The following MMD2 variants were observed in gnomAD, a reference collection of about 807,000 sequenced individuals.
MMD2 encodes the protein monocyte to macrophage differentiation associated 2, also known as monocyte to macrophage differentiation factor 2.
MMD2 carries 30 observed loss-of-function variants against 33.5 expected under a neutral mutation model. The observed-to-expected ratio is 0.90, with a 90% confidence interval of 0.67 to 1.22. The LOEUF is 1.22. Among genes scored for constraint, MMD2 ranks in the 50% most tolerant of loss-of-function variants. MMD2 has a pLI of 0.00. For synonymous variants in MMD2, 129 were observed against 123.0 expected (o/e 1.05, Z -0.32); for missense variants, 364 against 325.4 (o/e 1.12, Z -0.91).
chr7:4,925,419 C>T, intron 2 of MMD2, 32 bp downstream of exon 2: 1 of 1,479,576 alleles, frequency 6.8e-7, no homozygotes, highest in Non-Finnish European at 9.1e-7. Context: ...GTGTCCCCAT[C>T]TCAGCCCTGA....
chr7:4,927,855 C>T (rs1391270250), intron 1 of MMD2, among the ~76,000 whole-genome samples: 1 of 152,174 alleles, frequency 6.6e-6, no homozygotes, highest in Admixed American at 6.6e-5. Context: ...GGAGAAGCTA[C>T]AGGGCAGGGA....
the MMD2 span, among the ~76,000 whole-genome samples, chr7:4,895,977 C>G: frequency 1.3e-5 from 2 of 152,166 alleles, no homozygotes; most frequent in African/African-American, 2.4e-5. Flanking sequence ...CCCACGTTTT[C>G]CCATCACTCC....
chr7:4,937,358 C>T (rs1242676980), intron 1 of MMD2, among the ~76,000 whole-genome samples: 2 of 150,552 alleles, frequency 1.3e-5, no homozygotes, highest in African/African-American at 2.4e-5. Context: ...GATTGCACTA[C>T]TGTGCTCCAG....
chr7:4,945,022 CT>C (rs1362431180), intron 1 of MMD2, among the ~76,000 whole-genome samples: 5 of 150,740 alleles, frequency 3.3e-5, no homozygotes, highest in African/African-American at 9.7e-5. Context: ...ACCTCTCCCT[CT>C]CCCTCTCCCT....
At chr7:4,914,667 G>T (rs116533136) in intron 4 of MMD2, among the ~76,000 whole-genome samples, 1 of 151,994 alleles carries the variant, frequency 6.6e-6, no homozygotes, top group Non-Finnish European at 1.5e-5. Flanking sequence ...ACGGTGGCTC[G>T]CACCTGTAAT....
At position 4,915,283 on chromosome 7, in the gene MMD2, T is replaced by A. The variant is rs562180543; in HGVS notation, c.365+722A>T. ...AAGACCCTGTCTCTTAAAAAAAAAA[T>A]TAAAAATTTAAAAGCTATATTAAAT... On this transcript the variant is annotated intron_variant, in intron 4 of 6. Coordinates refer to ENST00000401401, the MANE Select transcript of MMD2 (RefSeq NM_198403.4). Among the ~76,000 whole-genome samples the A allele has an allele frequency of 1.1e-4, 16 of 151,224 alleles. No individual in the cohort carries two copies. The South Asian group carries it at 3.3e-3, about 32-fold the overall frequency.
chr7:4,948,384 G>C (rs1786149159), intron 1 of MMD2, among the ~76,000 whole-genome samples: 1 of 152,130 alleles, frequency 6.6e-6, no homozygotes. Context: ...AGCTGGACGT[G>C]GTGGCGCACA....
downstream of MMD2, among the ~76,000 whole-genome samples, chr7:4,902,497 G>C (rs1266798944): frequency 6.6e-6 from 1 of 152,138 alleles, no homozygotes; most frequent in African/African-American, 2.4e-5. Flanking sequence ...TACCCCACGG[G>C]GGGAGTCTGT....
chr7:4,953,128 T>A (rs936960994), intron 1 of MMD2, among the ~76,000 whole-genome samples: 1 of 151,922 alleles, frequency 6.6e-6, no homozygotes, highest in South Asian at 2.1e-4. Context: ...AAGGAAGTCA[T>A]CTTAATCCCT....
chr7:4,955,811 G>A (rs1786367549), intron 1 of MMD2, among the ~76,000 whole-genome samples: 1 of 152,170 alleles, frequency 6.6e-6, no homozygotes, highest in Non-Finnish European at 1.5e-5. Flanking sequence ...CCAGCACTTT[G>A]GAAAGCCAAG....
chr7:4,918,790 T>C (rs1304171610), intron 3 of MMD2, among the ~76,000 whole-genome samples: 1 of 151,180 alleles, frequency 6.6e-6, no homozygotes, highest in East Asian at 1.9e-4. Context: ...GCCTGGCCTG[T>C]AATTTTTTTT....
At chr7:4,944,159 C>T (rs1449664772) in intron 1 of MMD2, among the ~76,000 whole-genome samples, 1 of 151,384 alleles carries the variant, frequency 6.6e-6, no homozygotes, top group Admixed American at 6.6e-5. Context: ...CCTGTAGTCC[C>T]AGCTACTGGG....
At chr7:4,895,041 G>C in the MMD2 span, among the ~76,000 whole-genome samples, 22 of 151,468 alleles carry the variant, frequency 1.5e-4, no homozygotes, top group African/African-American at 5.1e-4. Context: ...CCAACGCTCA[G>C]CCGCTTGCAT....
At chr7:4,954,966 T>C (rs1342773869) in intron 1 of MMD2, among the ~76,000 whole-genome samples, 1 of 152,208 alleles carries the variant, frequency 6.6e-6, no homozygotes, top group Non-Finnish European at 1.5e-5. Context: ...GTACCACTTA[T>C]CCAATAGATC....
At chr7:4,903,865 G>A (rs529914816), downstream of MMD2, among the ~76,000 whole-genome samples, 14 of 152,298 alleles carry the variant, frequency 9.2e-5, no homozygotes, top group African/African-American at 1.9e-4. Flanking sequence ...CTGGGTCACC[G>A]GGAACCTCAC....
intron 5 of MMD2, among the ~76,000 whole-genome samples, 170 bp downstream of exon 5, chr7:4,910,975 C>G (rs568274043): frequency 5.9e-4 from 90 of 152,220 alleles, no homozygotes; most frequent in African/African-American, 2.1e-3. Context: ...CAAGTTGACC[C>G]TAGGGTCTGC....
Position 4,906,709 on chromosome 7 carries a change from A to G in MMD2, c.*687T>C, listed in dbSNP as rs1423847694. 1.3e-5 allele frequency: 5 copies of G among 396,402 alleles called. No homozygotes were observed. The highest frequency in any genetic ancestry group is 2.2e-5 in the Non-Finnish European group (5 of 225,232). 24.6% of individuals were successfully genotyped at this position (396,402 alleles called of 1,614,324 possible). ...TCCCAAAAGGGAGGGGGAGATGAGG[A>G]GATAGGCATGCAAATGCCCATTTGG... On this transcript the variant is annotated 3_prime_UTR_variant, in exon 7 of 7. Coordinates refer to ENST00000401401, the MANE Select transcript of MMD2 (RefSeq NM_198403.4).
intron 1 of MMD2, among the ~76,000 whole-genome samples, chr7:4,928,436 G>A (rs1210527859): frequency 6.6e-6 from 1 of 151,774 alleles, no homozygotes; most frequent in East Asian, 1.9e-4. Flanking sequence ...TACAGTTCAT[G>A]AAGCATTTGT....
downstream of MMD2, among the ~76,000 whole-genome samples, chr7:4,903,063 C>T (rs1028534447): frequency 2.0e-5 from 3 of 152,170 alleles, no homozygotes; most frequent in African/African-American, 7.2e-5. Context: ...CATGGTGAAA[C>T]CCTGTCTCTA....
Sources: allele counts gnomAD v4.1 joint callset (sites outside exome capture counted in the v4.1 genomes callset), GRCh38; gene constraint gnomAD v4.1.1; transcripts MANE v1.5; gene names NCBI Gene and HGNC (gene_info 2026-07-23, HGNC 2026-07-21).